The following CNTNAP5 variants were observed in gnomAD, a reference collection of about 807,000 sequenced individuals.
CNTNAP5 encodes the protein contactin associated protein family member 5.
CNTNAP5 carries 72 observed loss-of-function variants against 150.2 expected under a neutral mutation model. The ratio of observed to expected loss-of-function variants is 0.48; its 90% CI spans 0.40 to 0.58. The LOEUF (loss-of-function observed/expected upper bound fraction) is 0.58, where lower values mean the gene tolerates loss of function less well. Among genes scored for constraint, CNTNAP5 ranks in the 20% least tolerant of loss-of-function variants. The probability of loss-of-function intolerance (pLI) is 0.00; values close to 1 mark genes in which losing one functional copy is unlikely to be tolerated. For synonymous variants in CNTNAP5, 672 were observed against 619.8 expected (o/e 1.08, Z -1.25); for missense variants, 1,636 against 1,626.2 (o/e 1.01, Z -0.10).
chr2:124,417,704 A>G, intron 4 of CNTNAP5, 114 bp downstream of exon 4: 1 of 1,006,686 alleles, frequency 9.9e-7, no homozygotes, highest in Non-Finnish European at 1.4e-6. Flanking sequence ...TTGTTTCTAG[A>G]CTTTCATATG....
chr2:124,457,713 T>A (rs954706157), intron 6 of CNTNAP5, among the ~76,000 whole-genome samples: 1 of 151,894 alleles, frequency 6.6e-6, no homozygotes, highest in Admixed American at 6.6e-5. Flanking sequence ...TACATATATA[T>A]TTATTATACT....
chr2:124,685,762 G>GCA (rs147869599), intron 13 of CNTNAP5, among the ~76,000 whole-genome samples: 8 of 73,524 alleles, frequency 1.1e-4, no homozygotes, highest in South Asian at 3.8e-4. Flanking sequence ...GTGTGTGTGT[G>GCA]CGCGCGCGTG....
At chr2:124,176,893 G>A (rs536814920) in intron 1 of CNTNAP5, among the ~76,000 whole-genome samples, 5 of 138,714 alleles carry the variant, frequency 3.6e-5, no homozygotes, top group East Asian at 2.0e-4. Flanking sequence ...TGCCCAGGGC[G>A]GAGTGCAATG....
intron 1 of CNTNAP5, among the ~76,000 whole-genome samples, chr2:124,106,089 T>G (rs2104701165): frequency 6.6e-6 from 1 of 152,338 alleles, no homozygotes; most frequent in African/African-American, 2.4e-5. Context: ...CTTTTTTTTT[T>G]CTTTATACAA....
At chr2:124,588,828 AG>A (rs1045838235) in intron 11 of CNTNAP5, among the ~76,000 whole-genome samples, 14 of 152,086 alleles carry the variant, frequency 9.2e-5, no homozygotes, top group Admixed American at 6.5e-4. Context: ...GTGGTGGTGA[AG>A]CTCTAGGCAG....
Position 124,657,280 on chromosome 2 carries a change from C to T in CNTNAP5, c.2077+9322C>T, listed in dbSNP as rs192468611. Among the ~76,000 whole-genome samples the T allele has an allele frequency of 1.2e-3, 175 of 152,144 alleles. 1 individual carries two copies. Among genetic ancestry groups the T allele is most frequent in the African/African-American group, 3.7e-3 (155 of 41,482 alleles). On this transcript the variant is annotated intron_variant, in intron 13 of 23. Transcript: ENST00000682447. ...AAAGTGTAGAGTTAGGTCTATGTTC[C>T]TCTCCCCATTTCTGCCAAATACCCA...
intron 1 of CNTNAP5, among the ~76,000 whole-genome samples, chr2:124,198,443 C>T (rs964669570): frequency 6.6e-6 from 1 of 151,776 alleles, no homozygotes; most frequent in African/African-American, 2.4e-5. Context: ...TAGAATCAAG[C>T]GGTACATGTG....
chr2:124,170,638 G>T (rs566216310), intron 1 of CNTNAP5, among the ~76,000 whole-genome samples: 3 of 152,238 alleles, frequency 2.0e-5, no homozygotes, highest in African/African-American at 7.2e-5. Context: ...GGGTAAGTGT[G>T]ATAGAGACAG....
In CNTNAP5 at chr2:124,916,600, T is replaced by C. The variant is rs1678774136; in HGVS notation, c.*2312T>C. Reference sequence around the variant, plus strand: ...CTATGTTTTGCTGACATAGTGCTAATAGAAGAAATGGAGACTAGCAAAGGC... The same window carrying C: ...CTATGTTTTGCTGACATAGTGCTAACAGAAGAAATGGAGACTAGCAAAGGC... On this transcript the variant is annotated 3_prime_UTR_variant, in exon 24 of 24. Transcript: ENST00000682447. Among the ~76,000 whole-genome samples the C allele has an allele frequency of 6.6e-6, 1 of 152,100 alleles. No homozygotes were observed. The highest frequency in any genetic ancestry group is 6.6e-5 in the Admixed American group (1 of 15,244).
intron 1 of CNTNAP5, among the ~76,000 whole-genome samples, chr2:124,035,545 C>T (rs1681190919): frequency 1.3e-5 from 2 of 152,206 alleles, no homozygotes; most frequent in African/African-American, 2.4e-5. Context: ...AAGTGCTGCT[C>T]ACCGGGAAAT....
At chr2:124,895,793 G>A (rs1444666899) in intron 21 of CNTNAP5, among the ~76,000 whole-genome samples, 3 of 151,688 alleles carry the variant, frequency 2.0e-5, no homozygotes, top group Middle Eastern at 6.8e-3. Context: ...ACTGTTTTTA[G>A]TGATAGAGAA....
At chr2:124,062,297 C>G (rs1558741999) in intron 1 of CNTNAP5, among the ~76,000 whole-genome samples, 1 of 152,182 alleles carries the variant, frequency 6.6e-6, no homozygotes, top group Non-Finnish European at 1.5e-5. Context: ...TCTCCTCCCT[C>G]ACAATCTACT....
intron 3 of CNTNAP5, among the ~76,000 whole-genome samples, chr2:124,362,249 A>T (rs1690231626): frequency 6.6e-6 from 1 of 152,186 alleles, no homozygotes; most frequent in African/African-American, 2.4e-5. Context: ...GTCACATGGA[A>T]ATGCAGAAAT....
At chr2:124,541,465 G>A (rs1181280404) in intron 10 of CNTNAP5, among the ~76,000 whole-genome samples, 1 of 151,974 alleles carries the variant, frequency 6.6e-6, no homozygotes. Flanking sequence ...GTAAAGGTGG[G>A]ACTGATATTT....
chr2:124,170,753 ATGAT>A (rs1684910911), intron 1 of CNTNAP5, among the ~76,000 whole-genome samples: 1 of 152,042 alleles, frequency 6.6e-6, no homozygotes, highest in African/African-American at 2.4e-5. Context: ...TAGTAGAAAA[ATGAT>A]TGGTGAAAAG....
At chr2:124,249,303 A>G (rs927033673) in intron 3 of CNTNAP5, among the ~76,000 whole-genome samples, 6 of 152,176 alleles carry the variant, frequency 3.9e-5, no homozygotes, top group African/African-American at 1.4e-4. Flanking sequence ...TCCACATTCT[A>G]TAAAAAATCT....
At chr2:124,437,728 A>C (rs1439467787) in intron 5 of CNTNAP5, among the ~76,000 whole-genome samples, 1 of 152,150 alleles carries the variant, frequency 6.6e-6, no homozygotes, top group Admixed American at 6.6e-5. Flanking sequence ...ATCCATGATC[A>C]GGATTGTTCT....
chr2:124,892,233 C>G (rs1347825315), intron 21 of CNTNAP5, among the ~76,000 whole-genome samples: 1 of 152,054 alleles, frequency 6.6e-6, no homozygotes, highest in Non-Finnish European at 1.5e-5. Context: ...TGTTTTTGTA[C>G]TTTCTGGAAT....
intron 7 of CNTNAP5, among the ~76,000 whole-genome samples, chr2:124,477,027 ATTTC>A (rs1693657026): frequency 6.6e-6 from 1 of 151,986 alleles, no homozygotes; most frequent in African/African-American, 2.4e-5. Context: ...TATATCCTTT[ATTTC>A]TTTTCCCCAC....
Sources: allele counts gnomAD v4.1 joint callset (sites outside exome capture counted in the v4.1 genomes callset), GRCh38; gene constraint gnomAD v4.1.1; transcripts MANE v1.5; gene names NCBI Gene and HGNC (gene_info 2026-07-23, HGNC 2026-07-21).